Variants in IDUA observed in about 807,000 individuals in gnomAD.
IDUA encodes the protein alpha-L-iduronidase.
In IDUA, 65 loss-of-function variants were observed where a neutral mutation model predicts 68.9. That is an observed-to-expected ratio of 0.94 (90% CI 0.77 to 1.16). The LOEUF (loss-of-function observed/expected upper bound fraction) is 1.16, where lower values mean the gene tolerates loss of function less well. Ranked by LOEUF, IDUA falls within the 50% of genes most tolerant of loss-of-function variation. IDUA has a pLI of 0.00. For missense variants in IDUA, 1,046 were observed against 938.0 expected (o/e 1.12, Z -1.50); for synonymous variants, 529 against 433.6 (o/e 1.22, Z -2.73).
chr4:987,080 T>C lies in IDUA; in HGVS notation c.-5T>C, dbSNP rs1446479378. ...AAGCCCCGCAGTCCCCGAGCACGCG[T>C]GGCCATGCGTCCCCTGCGCCCCCGC... On this transcript the variant is annotated 5_prime_UTR_variant, in exon 1 of 14. Transcript: ENST00000514224. The C allele has an allele frequency of 3.4e-6, 5 of 1,491,700 alleles. No homozygotes were observed. The highest frequency in any genetic ancestry group is 3.5e-6 in the Non-Finnish European group (4 of 1,128,584). 92.4% of individuals were successfully genotyped at this position (1,491,700 alleles called of 1,614,324 possible).
chr4:1,001,125 G>C, intron 4 of IDUA, 136 bp downstream of exon 4: 1 of 699,104 alleles, frequency 1.4e-6, no homozygotes, highest in Non-Finnish European at 2.5e-6. Context: ...GGGGATGGGG[G>C]TGACAAGGGA....
Position 989,778 on chromosome 4 carries a change from G to A in IDUA, c.299+1829G>A, listed in dbSNP as rs753516510. ...TGGTGGCGAAGCAGTGGAGGAAGGC[G>A]GGTAGCACGTTGCAGCAGCCCACAG... On this transcript the variant is annotated intron_variant, in intron 2 of 13. Coordinates refer to ENST00000514224, the MANE Select transcript of IDUA (RefSeq NM_000203.5). 4.5e-5 allele frequency: 70 copies of A among 1,566,388 alleles called. No homozygotes were observed. Among genetic ancestry groups the A allele is most frequent in the Non-Finnish European group, 5.4e-5 (63 of 1,156,410 alleles).
chr4:994,676 A>G (rs1432315994), intron 2 of IDUA, among the ~76,000 whole-genome samples: 2 of 152,032 alleles, frequency 1.3e-5, no homozygotes, highest in African/African-American at 4.8e-5. Context: ...TGACCTCGTG[A>G]TCCACCCACC....
rs749848297 is a variant in IDUA, at chr4:1,003,590, G to A, written c.1692G>A (p.Leu564=). 3.7e-6 allele frequency: 6 copies of A among 1,612,476 alleles called. No homozygotes were observed. The highest frequency in any genetic ancestry group is 5.1e-6 in the Non-Finnish European group (6 of 1,179,840). Residue 564 remains leucine (L), a synonymous_variant, in exon 12 of 14, where the codon CTG becomes CTA. Transcript: ENST00000514224. ...LRALPLTQGQ[L]VLVWSDEHVG... ...CCCTGCCCCTGACCCAAGGGCAGCT[G>A]GTTCTGGTCTGGTCGGATGAACACG...
chr4:991,768 G>A (rs1005736075), intron 2 of IDUA: 32 of 1,528,338 alleles, frequency 2.1e-5, no homozygotes, highest in Admixed American at 6.0e-5. Context: ...AGGAGCCCCC[G>A]GATCCAGGGC....
chr4:1,002,679 G>A (rs1560548548), intron 8 of IDUA, 53 bp from the exon 9 acceptor site: 1 of 1,317,230 alleles, frequency 7.6e-7, no homozygotes, highest in Non-Finnish European at 1.0e-6. Flanking sequence ...CCCTGGGTCG[G>A]GGGGCGGCTG....
rs563993707 is a variant in IDUA, at chr4:989,838, G to A, written c.299+1889G>A. 5.3e-5 allele frequency: 83 copies of A among 1,579,148 alleles called. No homozygotes were observed. The highest frequency in any genetic ancestry group is 1.6e-4 in the South Asian group (14 of 86,456). The stretch of plus-strand genomic sequence containing the variant: ...CCTGGTTGGCACGCACAGAGTAGCC[G>A]TGACTGCGGGCGAACATCTCCGCCA... On this transcript the variant is annotated intron_variant, in intron 2 of 13. Transcript: ENST00000514224.
chr4:1,002,619 C>T, intron 8 of IDUA, 113 bp from the exon 9 acceptor site: 1 of 1,157,074 alleles, frequency 8.6e-7, no homozygotes. Context: ...GTGGCGGGGC[C>T]TGGGGACTCC....
intron 2 of IDUA, among the ~76,000 whole-genome samples, chr4:997,374 C>T (rs1404800022): frequency 6.6e-6 from 1 of 150,936 alleles, no homozygotes; most frequent in Non-Finnish European, 1.5e-5. Context: ...GGCCCTGCTC[C>T]CCACCCCGCG....
At chr4:1,001,162 G>A (rs1560546239) in intron 4 of IDUA, 173 bp downstream of exon 4, 2 of 639,234 alleles carry the variant, frequency 3.1e-6, no homozygotes, top group South Asian at 1.9e-5. Context: ...GCAGGCCCTG[G>A]GGCCCCAGGC....
At position 1,002,289 on chromosome 4, in the gene IDUA, C is replaced by T; in HGVS notation, c.993C>T (p.Asn331=). The change falls in exon 8 of 14, where the codon AAC becomes AAT. Residue 331 remains asparagine (N), a synonymous_variant. Transcript: ENST00000514224. ...CGCAGGTCATCGCGCAGCATCAGAA[C>T]CTGCTACTGGCCAACACCACCTCCG... ...MVVKVIAQHQ[N]LLLANTTSAF... 6 of 1,612,508 alleles carry T rather than the reference C, an allele frequency of 3.7e-6. No individual in the cohort carries two copies. Among genetic ancestry groups the T allele is most frequent in the Non-Finnish European group, 4.2e-6 (5 of 1,179,512 alleles).
chr4:990,496 C>A, intron 2 of IDUA: 1 of 843,350 alleles, frequency 1.2e-6, no homozygotes, highest in East Asian at 2.7e-5. Context: ...CCCGTGTGTT[C>A]CAAACCAGAC....
intron 2 of IDUA, among the ~76,000 whole-genome samples, chr4:998,982 AT>A (rs1714908362): frequency 6.6e-6 from 1 of 152,062 alleles, no homozygotes; most frequent in Admixed American, 6.6e-5. Context: ...AGGTGGGCGG[AT>A]CACGAGGTCA....
rs912517294 is a variant in IDUA, at chr4:987,730, C to G, written c.159-79C>G. 3.8e-6 allele frequency: 6 copies of G among 1,597,688 alleles called. No homozygotes were observed. In the African/African-American group the frequency reaches 8.0e-5, roughly 21 times the overall value. ...GCCTGGATCCTGCGCCCGGGCAGTC[C>G]TGGGCTTGAACGTGTGTGTCAGCCG... On this transcript the variant is annotated intron_variant, in intron 1 of 13. Coordinates refer to ENST00000514224, the MANE Select transcript of IDUA (RefSeq NM_000203.5).
chr4:1,003,268 G>A (rs950139946), intron 10 of IDUA, 77 bp from the exon 11 acceptor site: 12 of 1,345,490 alleles, frequency 8.9e-6, no homozygotes, highest in Middle Eastern at 2.7e-4. Context: ...GCGGTGGGCC[G>A]GGGGCGTTCG....
rs751676744 is a variant in IDUA, at chr4:987,912, G to T, written c.262G>T (p.Val88Phe). ...GAVPHRGIKQ[V>F]RTHWLLELVT... ...CGTCCCTCACCGCGGCATCAAGCAG[G>T]TCCGGACCCACTGGCTGCTGGAGCT... The change falls in exon 2 of 14, where the codon GTC becomes TTC. Residue 88 changes from valine (V) to phenylalanine (F), a missense_variant. Transcript: ENST00000514224. 7.5e-6 allele frequency: 12 copies of T among 1,604,236 alleles called. No individual in the cohort carries two copies. The highest frequency in any genetic ancestry group is 3.4e-6 in the Non-Finnish European group (4 of 1,176,122).
intron 4 of IDUA, 62 bp from the exon 5 acceptor site, chr4:1,001,406 T>C (rs1474966508): frequency 1.4e-6 from 2 of 1,396,282 alleles, no homozygotes; most frequent in Non-Finnish European, 2.0e-6. Flanking sequence ...GCACCCTCCC[T>C]CCGTGGGAGT....
At chr4:989,403 C>G in intron 2 of IDUA, 1 of 1,562,500 alleles carries the variant, frequency 6.4e-7, no homozygotes, top group Non-Finnish European at 8.7e-7. Flanking sequence ...TGCGGGCCAG[C>G]AGGGCGGTGC....
intron 2 of IDUA, chr4:988,910 A>G (rs1003834527): frequency 6.2e-7 from 1 of 1,605,216 alleles, no homozygotes; most frequent in Non-Finnish European, 8.5e-7. Context: ...ACACTGAGGA[A>G]CAGCTGCTCC....
Sources: allele counts gnomAD v4.1 joint callset (sites outside exome capture counted in the v4.1 genomes callset), GRCh38; gene constraint gnomAD v4.1.1; transcripts MANE v1.5; gene names NCBI Gene and HGNC (gene_info 2026-07-23, HGNC 2026-07-21).